BBS9: variants seen among roughly 807,000 people sequenced by gnomAD.
BBS9 encodes the protein protein PTHB1.
BBS9 carries 89 observed loss-of-function variants against 117.7 expected under a neutral mutation model. That is an observed-to-expected ratio of 0.76 (90% confidence interval 0.64 to 0.90). The LOEUF is 0.90. BBS9 is among the 40% of genes least tolerant of loss of function. The pLI is 0.00. For missense variants in BBS9, 982 were observed against 1,042.2 expected (o/e 0.94, Z 0.80); for synonymous variants, 379 against 370.9 (o/e 1.02, Z -0.25).
intron 21 of BBS9, among the ~76,000 whole-genome samples, chr7:33,601,289 C>G (rs746350088): frequency 6.6e-6 from 1 of 151,976 alleles, no homozygotes; most frequent in Non-Finnish European, 1.5e-5. Context: ...TGCCTGAGGG[C>G]TCATTTGTGT....
At position 33,351,302 on chromosome 7, in the gene BBS9, G is replaced by A. The variant is rs755986159; in HGVS notation, c.1516G>A (p.Val506Ile). ...ATCAGAATTGGAAGGAAATGCTGTTGTTTCTTATTCCAGACCAACAGGTAA... is the reference window on the plus strand; with the variant it reads ...ATCAGAATTGGAAGGAAATGCTGTTATTTCTTATTCCAGACCAACAGGTAA... ...TPSELEGNAV[V>I]SYSRPTDRNP... Residue 506 changes from valine (V) to isoleucine (I), a missense_variant, in exon 14 of 23, where the codon GTT becomes ATT. Transcript: ENST00000242067. 1 of 1,611,432 alleles carries A rather than the reference G, an allele frequency of 6.2e-7. No individual in the cohort carries two copies. The highest frequency in any genetic ancestry group is 8.5e-7 in the Non-Finnish European group (1 of 1,177,650).
intron 5 of BBS9, among the ~76,000 whole-genome samples, chr7:33,213,104 C>T (rs1788344508): frequency 6.6e-6 from 1 of 152,180 alleles, no homozygotes; most frequent in African/African-American, 2.4e-5. Flanking sequence ...TTCAGGATGG[C>T]AAGAGCCCCC....
intron 5 of BBS9, among the ~76,000 whole-genome samples, chr7:33,216,157 G>T (rs1175821566): frequency 1.3e-5 from 2 of 152,124 alleles, no homozygotes; most frequent in African/African-American, 2.4e-5. Context: ...GGCTTTCTGT[G>T]TTCTTGTTAA....
rs549854245 is a variant in BBS9 at position 33,565,830 on chromosome 7, G to A, written c.2521+31654G>A. ...ATATATATATATATATATATATACC[G>A]CTATATATACTGCTTATATATATAT... On this transcript the variant is annotated intron_variant, in intron 21 of 22. Transcript: ENST00000242067. 1.1e-3 allele frequency among the ~76,000 whole-genome samples: 21 copies of A among 19,796 alleles called. No individual in the cohort carries two copies. The South Asian group carries it at 0.013, about 12-fold the overall frequency. The allele number at this position is 19,796 out of a possible 152,430, so 13.0% of individuals were successfully genotyped here.
At chr7:33,305,137 TAA>T (rs75957203) in intron 9 of BBS9, among the ~76,000 whole-genome samples, 38,243 of 139,052 alleles carry the variant, frequency 0.28, 5,557 homozygotes, top group Admixed American at 0.42. Context: ...CAATAAATAT[TAA>T]AAAAAAAAAA....
chr7:33,135,377 G>T (rs925401576), intron 1 of BBS9, among the ~76,000 whole-genome samples: 1 of 152,160 alleles, frequency 6.6e-6, no homozygotes, highest in Non-Finnish European at 1.5e-5. Context: ...ATTATTCGAG[G>T]TAAGTGTCCG....
chr7:33,348,692 T>C (rs180790390), intron 12 of BBS9, among the ~76,000 whole-genome samples: 130 of 152,266 alleles, frequency 8.5e-4, no homozygotes, highest in Non-Finnish European at 1.8e-3. Context: ...TATATGAGGG[T>C]TCTAGTTTCT....
chr7:33,513,727 C>A (rs913195740), intron 20 of BBS9, among the ~76,000 whole-genome samples: 3 of 152,160 alleles, frequency 2.0e-5, no homozygotes, highest in Non-Finnish European at 4.4e-5. Flanking sequence ...CATGTTCATT[C>A]ACATATCCTC....
intron 19 of BBS9, among the ~76,000 whole-genome samples, chr7:33,450,014 A>G (rs920534975): frequency 6.6e-6 from 1 of 151,804 alleles, no homozygotes; most frequent in African/African-American, 2.4e-5. Flanking sequence ...TTAAACAACA[A>G]CTCTCTACCT....
chr7:33,565,274 G>A (rs1216521048), intron 21 of BBS9, among the ~76,000 whole-genome samples: 2 of 151,918 alleles, frequency 1.3e-5, no homozygotes, highest in African/African-American at 4.8e-5. Flanking sequence ...TAGACTTTCT[G>A]ACCTTGAGCC....
intron 19 of BBS9, among the ~76,000 whole-genome samples, chr7:33,456,322 A>C (rs1274730713): frequency 6.6e-6 from 1 of 152,202 alleles, no homozygotes. Context: ...GAAGGAAAAA[A>C]TGTGCATTTA....
At chr7:33,491,352 A>G (rs1264305244) in intron 19 of BBS9, among the ~76,000 whole-genome samples, 1 of 152,188 alleles carries the variant, frequency 6.6e-6, no homozygotes, top group African/African-American at 2.4e-5. Context: ...AGTGTTTATC[A>G]AAAATGGGTG....
chr7:33,176,701 A>G (rs1171295280), intron 4 of BBS9, among the ~76,000 whole-genome samples: 1 of 152,178 alleles, frequency 6.6e-6, no homozygotes, highest in Non-Finnish European at 1.5e-5. Flanking sequence ...TTGCTTTATG[A>G]TAATTTAAAA....
At chr7:33,398,953 C>T (rs1828469145) in intron 19 of BBS9, among the ~76,000 whole-genome samples, 1 of 152,178 alleles carries the variant, frequency 6.6e-6, no homozygotes, top group Admixed American at 6.5e-5. Context: ...GCTGAGATTA[C>T]AGGCGTGAGC....
At chr7:33,403,733 A>G (rs1384590361) in intron 19 of BBS9, among the ~76,000 whole-genome samples, 3 of 152,096 alleles carry the variant, frequency 2.0e-5, no homozygotes, top group East Asian at 1.9e-4. Flanking sequence ...CATTTGGGTT[A>G]GTTCCAAGTC....
intron 19 of BBS9, among the ~76,000 whole-genome samples, chr7:33,409,831 C>G (rs1196328113): frequency 2.0e-5 from 3 of 152,124 alleles, no homozygotes; most frequent in African/African-American, 7.2e-5. Flanking sequence ...ATTTCTGCCA[C>G]CGTGCATTTG....
chr7:33,326,986 A>G (rs1024633193), intron 9 of BBS9, among the ~76,000 whole-genome samples: 2 of 151,914 alleles, frequency 1.3e-5, no homozygotes, highest in African/African-American at 4.8e-5. Flanking sequence ...TGGCTGCCCA[A>G]TCTGGTGTCT....
intron 19 of BBS9, among the ~76,000 whole-genome samples, chr7:33,483,146 A>G (rs988348595): frequency 2.6e-5 from 4 of 152,124 alleles, no homozygotes; most frequent in African/African-American, 9.7e-5. Context: ...ATGTTTCATA[A>G]GTGTATCCTG....
At chr7:33,316,203 G>C (rs1045964163) in intron 9 of BBS9, among the ~76,000 whole-genome samples, 1 of 151,938 alleles carries the variant, frequency 6.6e-6, no homozygotes, top group African/African-American at 2.4e-5. Context: ...TATGTAAGTG[G>C]GATCATACAG....
Sources: gnomAD v4.1 joint callset for allele counts (sites outside exome capture counted in the v4.1 genomes callset) on GRCh38, gnomAD v4.1.1 for gene constraint, MANE v1.5 for transcripts, NCBI Gene and HGNC (gene_info 2026-07-23, HGNC 2026-07-21) for gene names.